The following ZNF644 variants were observed in gnomAD, a reference collection of about 807,000 sequenced individuals.
ZNF644 encodes the protein zinc finger protein 644.
ZNF644 carries 20 observed loss-of-function variants against 108.0 expected under a neutral mutation model. The observed-to-expected ratio is 0.19, with a 90% CI of 0.13 to 0.27. ZNF644 has a LOEUF of 0.27. Ranked by LOEUF, ZNF644 falls within the 10% of genes least tolerant of loss-of-function variation. The pLI, the probability that ZNF644 is intolerant of heterozygous loss-of-function variation, is 1.00. For missense variants in ZNF644, 1,338 were observed against 1,548.9 expected (o/e 0.86, Z 2.29); for synonymous variants, 542 against 539.1 (o/e 1.01, Z -0.08).
chr1:90,957,533 G>A (rs564803248), intron 2 of ZNF644, among the ~76,000 whole-genome samples: 2 of 152,192 alleles, frequency 1.3e-5, no homozygotes, highest in South Asian at 4.2e-4. Flanking sequence ...AACACTACAT[G>A]ATCATCTCAA....
intron 4 of ZNF644, among the ~76,000 whole-genome samples, chr1:90,936,930 C>G (rs910072797): frequency 6.6e-6 from 1 of 152,146 alleles, no homozygotes; most frequent in Non-Finnish European, 1.5e-5. Flanking sequence ...CAAAACCAAA[C>G]TATTCCGCAA....
intron 1 of ZNF644, among the ~76,000 whole-genome samples, chr1:91,005,986 C>T (rs146120407): frequency 2.0e-5 from 3 of 151,120 alleles, no homozygotes; most frequent in Non-Finnish European, 4.4e-5. Flanking sequence ...TTGAAAAGAA[C>T]AAAATTGACA....
At chr1:90,969,781 T>G (rs768662923) in intron 2 of ZNF644, among the ~76,000 whole-genome samples, 1 of 152,160 alleles carries the variant, frequency 6.6e-6, no homozygotes. Flanking sequence ...ATCACAGATA[T>G]GTGTATGTAG....
chr1:90,927,228 C>T (rs1266770411), intron 4 of ZNF644, among the ~76,000 whole-genome samples: 1 of 152,198 alleles, frequency 6.6e-6, no homozygotes, highest in Non-Finnish European at 1.5e-5. Context: ...TCCAATGGCA[C>T]TTAACAATTT....
chr1:91,016,736 T>TA (rs1171841722), intron 1 of ZNF644, among the ~76,000 whole-genome samples: 1 of 152,250 alleles, frequency 6.6e-6, no homozygotes, highest in Non-Finnish European at 1.5e-5. Context: ...ACATGCTTTG[T>TA]AAAGTGTAAA....
intron 1 of ZNF644, among the ~76,000 whole-genome samples, chr1:91,015,392 C>T (rs895806815): frequency 6.6e-6 from 1 of 152,096 alleles, no homozygotes; most frequent in Non-Finnish European, 1.5e-5. Context: ...ATATTCCACC[C>T]GCCTCAATCT....
At chr1:90,943,392 G>C (rs754109585) in intron 2 of ZNF644, among the ~76,000 whole-genome samples, 12 of 152,178 alleles carry the variant, frequency 7.9e-5, no homozygotes, top group Non-Finnish European at 1.5e-4. Flanking sequence ...AGTGAGCCAA[G>C]ATTGCGCCAT....
intron 4 of ZNF644, among the ~76,000 whole-genome samples, chr1:90,929,177 GA>G (rs547366084): frequency 6.6e-6 from 1 of 151,768 alleles, no homozygotes; most frequent in South Asian, 2.1e-4. Flanking sequence ...AAGGGCATCA[GA>G]AAAAAAAGGA....
At chr1:90,941,365 A>C (rs1651965109) in intron 2 of ZNF644, 56 bp from the exon 3 acceptor site, 2 of 1,458,384 alleles carry the variant, frequency 1.4e-6, no homozygotes, top group Non-Finnish European at 1.9e-6. Context: ...TACTATTAGA[A>C]TGTATGGAGA....
chr1:91,001,772 T>C (rs1480382101), intron 1 of ZNF644, among the ~76,000 whole-genome samples: 10 of 152,238 alleles, frequency 6.6e-5, no homozygotes, highest in African/African-American at 2.2e-4. Context: ...GACATGATTG[T>C]ATATTTAGAA....
chr1:90,963,727 AT>A (rs769240077), intron 2 of ZNF644, among the ~76,000 whole-genome samples: 2 of 152,092 alleles, frequency 1.3e-5, no homozygotes, highest in Non-Finnish European at 2.9e-5. Context: ...AAAAAAAGTT[AT>A]TTTCTTTTAA....
At position 90,918,075 on chromosome 1, in the gene ZNF644, G is replaced by C. The variant is rs141065187; in HGVS notation, c.3768C>G (p.Asp1256Glu). Residue 1256 changes from aspartate to glutamate, a missense_variant, in exon 5 of 6, where the codon GAC becomes GAG. Around this residue, in one of 6 missense-constraint regions of ZNF644, gnomAD observed 287 missense variants for 310.9 expected, o/e 0.92. Coordinates refer to ENST00000337393, the MANE Select transcript of ZNF644 (RefSeq NM_201269.3). ...ACCTGCATCGGAGAATGTAAACCTC[G>C]TCAGCACCATGAGGTAATGTTAGCA... is the stretch of plus-strand genomic sequence containing the variant. ...KKMLTLPHGA[D>E]EVYILRCRFC... 2 of 1,613,854 alleles carry C rather than the reference G, an allele frequency of 1.2e-6. No homozygotes were observed. The highest frequency in any genetic ancestry group is 2.7e-5 in the African/African-American group (2 of 74,904).
At position 90,938,651 on chromosome 1, in the gene ZNF644, C is replaced by T. The variant is rs777465784; in HGVS notation, c.2703G>A (p.Glu901=). Residue 901 remains glutamate (E), a synonymous_variant, in exon 3 of 6, where the codon GAG becomes GAA. Transcript: ENST00000337393. This position sits in a 1 kb window ranked among gnomAD's most constrained non-coding sequence, Gnocchi z 4.2. ...PLFKSKVEGQ[E]PGENATLSYD... is the part of the protein sequence containing the mutation. ...AACTAAGAGTAGCATTTTCTCCAGG[C>T]TCCTGACCTTCCACTTTGCTCTTAA... 4 of 1,611,296 alleles carry T rather than the reference C, an allele frequency of 2.5e-6. No homozygotes were observed. Among genetic ancestry groups the T allele is most frequent in the East Asian group, 4.5e-5 (2 of 44,864 alleles).
rs532712505 is a variant in ZNF644, at chr1:90,986,001, T to A, written c.-17-3631A>T. On this transcript the variant is annotated intron_variant, in intron 1 of 5. Transcript: ENST00000337393. ...TTTGATAATAGCAAATAAATTTTTT[T>A]AAAAAAAGATTTTACAAACAAGTAT... Among the ~76,000 whole-genome samples, 18 of 152,192 alleles carry A rather than the reference T, an allele frequency of 1.2e-4. No individual in the cohort carries two copies. The South Asian group carries it at 2.9e-3, about 25-fold the overall frequency.
At position 90,916,982 on chromosome 1, in the gene ZNF644, C is replaced by T; in HGVS notation, c.3800G>A (p.Gly1267Asp). 6.2e-7 allele frequency: 1 copy of T among 1,614,064 alleles called. No individual in the cohort carries two copies. The highest frequency in any genetic ancestry group is 8.5e-7 in the Non-Finnish European group (1 of 1,179,990). The change falls in exon 6 of 6, where the codon GGC (glycine) becomes GAC (aspartate). Residue 1267 changes from glycine to aspartate, a missense_variant. Physicochemically the swap from Gly to Asp is moderately conservative, Grantham distance 94. Transcript: ENST00000337393. ...EVYILRCRFC[G>D]LVFRGPLSVQ... is the part of the protein sequence containing the mutation. ...AGACAAGGGTCCTCGAAAGACTAGGCCACAAAACCTACAGAAAGATAACAA... is the reference window on the plus strand; with the variant it reads ...AGACAAGGGTCCTCGAAAGACTAGGTCACAAAACCTACAGAAAGATAACAA...
intron 1 of ZNF644, among the ~76,000 whole-genome samples, chr1:90,998,360 G>C (rs1055655073): frequency 2.0e-5 from 3 of 152,316 alleles, no homozygotes; most frequent in Admixed American, 2.0e-4. Context: ...TCCAGAGAAT[G>C]ATCAGGCAGC....
chr1:90,973,663 C>CAT lies in ZNF644; in HGVS notation c.44+8645_44+8646dup, dbSNP rs147248497. On this transcript the variant is annotated intron_variant, in intron 2 of 5. Coordinates refer to ENST00000337393, the MANE Select transcript of ZNF644 (RefSeq NM_201269.3). ...TCATATAAACTTTTGTTTAAGAAAA[C>CAT]ATATATATATATAAGGTAACCACGA... Among the ~76,000 whole-genome samples the CAT allele has an allele frequency of 7.2e-3, 1,090 of 151,492 alleles. 16 individuals are homozygous for CAT. Among genetic ancestry groups the CAT allele is most frequent in the African/African-American group, 0.024 (995 of 41,308 alleles).
intron 1 of ZNF644, among the ~76,000 whole-genome samples, chr1:90,996,865 C>A (rs1658195094): frequency 6.6e-6 from 1 of 152,120 alleles, no homozygotes; most frequent in South Asian, 2.1e-4. Context: ...ACCTCATTCC[C>A]AGAGAACTGT....
rs180825034 is a variant in ZNF644 at position 90,939,116 on chromosome 1, G to A, written c.2238C>T (p.Asn746=). The change falls in exon 3 of 6, where the codon AAC becomes AAT. Residue 746 remains asparagine, a synonymous_variant. Coordinates refer to ENST00000337393, the MANE Select transcript of ZNF644 (RefSeq NM_201269.3). ...SHYLYRHKYE[N]YRMIKKSGES... The stretch of plus-strand genomic sequence containing the variant: ...CACCTGATTTTTTGATCATCCTATA[G>A]TTTTCATATTTGTGTCTATACAAAT... 6 of 1,613,772 alleles carry A rather than the reference G, an allele frequency of 3.7e-6. No homozygotes were observed. In the African/African-American group the frequency reaches 8.0e-5, roughly 22 times the overall value.
Sources: gnomAD v4.1 joint callset for allele counts (sites outside exome capture counted in the v4.1 genomes callset) on GRCh38, gnomAD v4.1.1 for gene constraint, gnomAD v4.1.1 regional missense constraint, Gnocchi (gnomAD v3.1) non-coding constraint, MANE v1.5 for transcripts, NCBI Gene and HGNC (gene_info 2026-07-23, HGNC 2026-07-21) for gene names.